Variants in ASIC2 observed in about 807,000 individuals in gnomAD.
The protein encoded by ASIC2 is acid sensing ion channel subunit 2.
In ASIC2, 25 loss-of-function variants were observed where a neutral mutation model predicts 57.3. The ratio of observed to expected loss-of-function variants is 0.44; its 90% CI spans 0.32 to 0.61. ASIC2 has a LOEUF of 0.61. Among genes scored for constraint, ASIC2 ranks in the 20% least tolerant of loss-of-function variants. The probability of loss-of-function intolerance (pLI) is 0.06; values close to 1 mark genes in which losing one functional copy is unlikely to be tolerated. For missense variants in ASIC2, 641 were observed against 738.1 expected (o/e 0.87, Z 1.52); for synonymous variants, 319 against 307.5 (o/e 1.04, Z -0.39).
At chr17:33,696,540 C>T (rs185754465) in intron 1 of ASIC2, among the ~76,000 whole-genome samples, 37 of 152,264 alleles carry the variant, frequency 2.4e-4, no homozygotes, top group Non-Finnish European at 4.1e-4. Context: ...TTATAGAACA[C>T]ATGACATGAA....
At chr17:33,112,707 T>C (rs2092264538) in intron 1 of ASIC2, 1 of 152,210 alleles carries the variant, frequency 6.6e-6, no homozygotes, top group African/African-American at 2.4e-5. Flanking sequence ...TTTAGCCTTT[T>C]GTCTTCCTTA....
intron 1 of ASIC2, among the ~76,000 whole-genome samples, chr17:33,459,231 T>C (rs1000433393): frequency 1.3e-5 from 2 of 152,106 alleles, no homozygotes; most frequent in African/African-American, 4.8e-5. Flanking sequence ...CATCACCTGC[T>C]ACCTGTCCAC....
At chr17:33,717,269 TA>T (rs1909252516) in intron 1 of ASIC2, among the ~76,000 whole-genome samples, 1 of 152,240 alleles carries the variant, frequency 6.6e-6, no homozygotes. Context: ...AAAATGGTTG[TA>T]AAATGGATAT....
chr17:34,094,613 T>G (rs888113564), intron 1 of ASIC2, among the ~76,000 whole-genome samples: 8 of 152,226 alleles, frequency 5.3e-5, no homozygotes, highest in African/African-American at 1.9e-4. Flanking sequence ...CAAGTCACTT[T>G]GGAGATCATG....
chr17:33,794,399 T>C (rs1198936464), intron 1 of ASIC2: 1 of 152,190 alleles, frequency 6.6e-6, no homozygotes, highest in Non-Finnish European at 1.5e-5. Flanking sequence ...TCATCAGTCA[T>C]TGCCTGGGAA....
intron 1 of ASIC2, among the ~76,000 whole-genome samples, chr17:33,277,007 G>A (rs1048002736): frequency 6.6e-6 from 1 of 152,152 alleles, no homozygotes; most frequent in African/African-American, 2.4e-5. Flanking sequence ...ATGTACCCGT[G>A]GTATTGATGT....
intron 1 of ASIC2, among the ~76,000 whole-genome samples, chr17:33,175,368 G>C (rs766522047): frequency 2.6e-5 from 4 of 152,066 alleles, no homozygotes; most frequent in Non-Finnish European, 5.9e-5. Context: ...AGCAAATCCC[G>C]TGGGTAGCTT....
chr17:33,015,874 G>A (rs1174748352), intron 9 of ASIC2, 97 bp downstream of exon 9: 6 of 1,275,906 alleles, frequency 4.7e-6, no homozygotes, highest in Non-Finnish European at 6.8e-6. Context: ...GGTGTGCAGT[G>A]AGTCACATCT....
At chr17:33,985,876 A>G (rs992236292) in intron 1 of ASIC2, among the ~76,000 whole-genome samples, 1 of 152,244 alleles carries the variant, frequency 6.6e-6, no homozygotes, top group Non-Finnish European at 1.5e-5. Flanking sequence ...CTGAGAAGAC[A>G]CAATAGGCAT....
chr17:33,423,124 T>C (rs1388600096), intron 1 of ASIC2, among the ~76,000 whole-genome samples: 1 of 152,210 alleles, frequency 6.6e-6, no homozygotes, highest in Non-Finnish European at 1.5e-5. Context: ...TGATGCATGT[T>C]GGCCTCGGTC....
Position 33,762,951 on chromosome 17 carries a change from T to C in ASIC2, c.555+393027A>G, listed in dbSNP as rs141667322. Among the ~76,000 whole-genome samples, 1,294 of 152,278 alleles carry C rather than the reference T, an allele frequency of 8.5e-3. 15 individuals carry two copies. Among genetic ancestry groups the C allele is most frequent in the African/African-American group, 0.03 (1,237 of 41,548 alleles). Reference sequence around the variant, plus strand: ...CTGTCCTTCTTGTTGCTCTGTTTTATTTAAGCTGGTAGAGTAGGCCCCATC... The same window carrying C: ...CTGTCCTTCTTGTTGCTCTGTTTTACTTAAGCTGGTAGAGTAGGCCCCATC... On this transcript the variant is annotated intron_variant, in intron 1 of 9. Coordinates refer to the ASIC2 transcript ENST00000359872.
chr17:33,793,879 C>G (rs1911842627), intron 1 of ASIC2: 1 of 152,150 alleles, frequency 6.6e-6, no homozygotes, highest in Non-Finnish European at 1.5e-5. Context: ...ATGTTAATGG[C>G]TATTATCTCC....
chr17:33,063,167 G>C (rs376262027), intron 3 of ASIC2, among the ~76,000 whole-genome samples: 1 of 152,138 alleles, frequency 6.6e-6, no homozygotes, highest in East Asian at 1.9e-4. Flanking sequence ...TTACATTTAA[G>C]GTTAATATTG....
chr17:33,764,800 G>A (rs775190669), intron 1 of ASIC2, among the ~76,000 whole-genome samples: 2 of 152,024 alleles, frequency 1.3e-5, no homozygotes, highest in Non-Finnish European at 2.9e-5. Flanking sequence ...ACTTTGGAGG[G>A]GACATTCGCA....
intron 1 of ASIC2, among the ~76,000 whole-genome samples, chr17:33,231,267 T>C (rs992756292): frequency 6.6e-6 from 1 of 152,276 alleles, no homozygotes; most frequent in African/African-American, 2.4e-5. Context: ...TCAGAGTAAA[T>C]GTATCTCCAT....
intron 1 of ASIC2, among the ~76,000 whole-genome samples, chr17:33,648,279 GTC>G (rs1163139055): frequency 6.6e-6 from 1 of 152,146 alleles, no homozygotes; most frequent in Non-Finnish European, 1.5e-5. Flanking sequence ...AGCTCACTTG[GTC>G]TCTCTGAGCA....
At chr17:33,951,579 CTTTTCT>C (rs977837276) in intron 1 of ASIC2, among the ~76,000 whole-genome samples, 7 of 150,846 alleles carry the variant, frequency 4.6e-5, no homozygotes, top group African/African-American at 1.7e-4. Flanking sequence ...TTTCTTTTTT[CTTTTCT>C]TTTTTTCTTT....
At chr17:33,893,537 G>T (rs560929335) in intron 1 of ASIC2, among the ~76,000 whole-genome samples, 1 of 152,328 alleles carries the variant, frequency 6.6e-6, no homozygotes, top group East Asian at 1.9e-4. Flanking sequence ...GAAGGTTTCT[G>T]AAGTTTCGTC....
chr17:33,862,051 C>G (rs563659550), intron 1 of ASIC2, among the ~76,000 whole-genome samples: 23 of 152,330 alleles, frequency 1.5e-4, no homozygotes, highest in Non-Finnish European at 3.2e-4. Flanking sequence ...ACAAACTTCA[C>G]AGGTCACACC....
Sources: gnomAD v4.1 joint callset for allele counts (sites outside exome capture counted in the v4.1 genomes callset) on GRCh38, gnomAD v4.1.1 for gene constraint, MANE v1.5 for transcripts, NCBI Gene and HGNC (gene_info 2026-07-23, HGNC 2026-07-21) for gene names.